The following MAGI1 variants were observed in gnomAD, a reference collection of about 807,000 sequenced individuals.
MAGI1 encodes the protein membrane associated guanylate kinase, WW and PDZ domain containing 1, also known as membrane-associated guanylate kinase, WW and PDZ domain-containing protein 1.
Under a neutral mutation model 139.9 loss-of-function variants are expected in MAGI1, and 58 were observed. The ratio of observed to expected loss-of-function variants is 0.41; its 90% CI spans 0.34 to 0.52. The LOEUF (loss-of-function observed/expected upper bound fraction) is 0.52, where lower values mean the gene tolerates loss of function less well. Ranked by LOEUF, MAGI1 falls within the 20% of genes least tolerant of loss-of-function variation. The pLI, the probability that MAGI1 is intolerant of heterozygous loss-of-function variation, is 0.12. For missense variants in MAGI1, 1,874 were observed against 1,901.6 expected, an observed-to-expected ratio of 0.99 and a Z score of 0.27; for synonymous variants, 812 against 737.9, an observed-to-expected ratio of 1.10 and a Z score of -1.63.
intron 2 of MAGI1, among the ~76,000 whole-genome samples, chr3:65,524,234 C>A (rs141527273): frequency 6.6e-6 from 1 of 152,222 alleles, no homozygotes; most frequent in Admixed American, 6.5e-5. Context: ...GCAATACTAC[C>A]CAGTGGAAAA....
intron 1 of MAGI1, among the ~76,000 whole-genome samples, chr3:65,780,162 T>C (rs78311152): frequency 0.035 from 5,335 of 152,158 alleles, 106 homozygotes; most frequent in Middle Eastern, 0.044. Flanking sequence ...AGCTGTGGAC[T>C]ACAAGTATGC....
At chr3:65,936,394 T>C (rs1424387995) in intron 1 of MAGI1, among the ~76,000 whole-genome samples, 1 of 151,968 alleles carries the variant, frequency 6.6e-6, no homozygotes, top group Non-Finnish European at 1.5e-5. Context: ...TCCCAGCACT[T>C]TGGGAGGCTG....
At chr3:65,890,284 C>T (rs981548064) in intron 1 of MAGI1, among the ~76,000 whole-genome samples, 2 of 152,044 alleles carry the variant, frequency 1.3e-5, no homozygotes, top group Non-Finnish European at 2.9e-5. Flanking sequence ...AGAATGGCGT[C>T]AACCCAGGAG....
chr3:65,713,287 G>A (rs745590094), intron 1 of MAGI1, among the ~76,000 whole-genome samples: 112 of 152,154 alleles, frequency 7.4e-4, no homozygotes, highest in Non-Finnish European at 5.9e-4. Flanking sequence ...AAACTAGCCC[G>A]GGAAGAAACT....
chr3:65,371,452 A>C (rs1941983175), intron 18 of MAGI1, among the ~76,000 whole-genome samples: 1 of 152,238 alleles, frequency 6.6e-6, no homozygotes, highest in East Asian at 1.9e-4. Flanking sequence ...CTGAGCCTTC[A>C]GTGAGTTGTA....
At chr3:65,787,337 G>A (rs1174613680) in intron 1 of MAGI1, among the ~76,000 whole-genome samples, 2 of 151,856 alleles carry the variant, frequency 1.3e-5, no homozygotes, top group Admixed American at 1.3e-4. Context: ...TAGTATAAAA[G>A]AAACCGGATC....
intron 1 of MAGI1, among the ~76,000 whole-genome samples, chr3:65,973,103 T>A (rs2065086299): frequency 1.3e-5 from 2 of 151,912 alleles, no homozygotes; most frequent in South Asian, 4.2e-4. Context: ...TGAGCTATGA[T>A]CATGCCACTA....
intron 1 of MAGI1, among the ~76,000 whole-genome samples, chr3:65,788,902 G>A (rs1345045828): frequency 2.6e-5 from 4 of 152,132 alleles, no homozygotes; most frequent in Non-Finnish European, 2.9e-5. Context: ...ATGAGGCCAG[G>A]TATGGTGACT....
At chr3:65,701,926 C>T (rs983841807) in intron 1 of MAGI1, among the ~76,000 whole-genome samples, 7 of 152,282 alleles carry the variant, frequency 4.6e-5, no homozygotes, top group Non-Finnish European at 1.0e-4. Flanking sequence ...TTTAGCTTAT[C>T]AAGCGCTATG....
chr3:65,506,079 G>T (rs1160571483), intron 2 of MAGI1, among the ~76,000 whole-genome samples: 7 of 152,078 alleles, frequency 4.6e-5, no homozygotes, highest in African/African-American at 1.7e-4. Flanking sequence ...GGGATCTAAA[G>T]CTCTTTCAGA....
At chr3:65,758,166 T>C (rs1469908938) in intron 1 of MAGI1, among the ~76,000 whole-genome samples, 5 of 152,174 alleles carry the variant, frequency 3.3e-5, no homozygotes, top group Non-Finnish European at 1.5e-5. Flanking sequence ...GTTGGTTCTT[T>C]TCAGAGAGGT....
At chr3:65,790,764 G>C (rs2039707766) in intron 1 of MAGI1, among the ~76,000 whole-genome samples, 1 of 152,172 alleles carries the variant, frequency 6.6e-6, no homozygotes, top group Non-Finnish European at 1.5e-5. Context: ...TTCTATAGTT[G>C]TACAAGGCTG....
At chr3:65,710,746 C>T (rs1183019287) in intron 1 of MAGI1, among the ~76,000 whole-genome samples, 1 of 152,204 alleles carries the variant, frequency 6.6e-6, no homozygotes, top group African/African-American at 2.4e-5. Flanking sequence ...GGTCACACAA[C>T]AAATCAAGGT....
At chr3:65,547,280 T>A (rs2079549907) in intron 2 of MAGI1, among the ~76,000 whole-genome samples, 1 of 152,170 alleles carries the variant, frequency 6.6e-6, no homozygotes, top group Non-Finnish European at 1.5e-5. Flanking sequence ...CCCTAAGCGA[T>A]AGAGCTGAAT....
At chr3:65,639,492 G>A (rs932317385) in intron 1 of MAGI1, among the ~76,000 whole-genome samples, 1 of 152,122 alleles carries the variant, frequency 6.6e-6, no homozygotes, top group African/African-American at 2.4e-5. Flanking sequence ...TCATCTGGGA[G>A]GGTTGATTTT....
intron 1 of MAGI1, among the ~76,000 whole-genome samples, chr3:65,802,382 T>G (rs768386934): frequency 2.0e-5 from 3 of 152,122 alleles, no homozygotes; most frequent in Non-Finnish European, 4.4e-5. Flanking sequence ...AACTCTCCAT[T>G]CCTCCTTGGG....
chr3:65,675,859 T>C (rs529111988), intron 1 of MAGI1, among the ~76,000 whole-genome samples: 6 of 152,250 alleles, frequency 3.9e-5, no homozygotes, highest in East Asian at 1.9e-4. Flanking sequence ...AAAAAAACAA[T>C]TGGGCTGAGC....
intron 1 of MAGI1, among the ~76,000 whole-genome samples, chr3:65,972,587 A>C (rs2065062537): frequency 6.6e-6 from 1 of 152,202 alleles, no homozygotes; most frequent in South Asian, 2.1e-4. Context: ...GTTTCTATTC[A>C]GTCCAAAATA....
At chr3:65,654,745 T>A (rs1258260442) in intron 1 of MAGI1, among the ~76,000 whole-genome samples, 1 of 152,170 alleles carries the variant, frequency 6.6e-6, no homozygotes, top group African/African-American at 2.4e-5. Flanking sequence ...AGCTGCAGTA[T>A]GGGTCTTGGT....
Sources: allele counts gnomAD v4.1 joint callset (sites outside exome capture counted in the v4.1 genomes callset), GRCh38; gene constraint gnomAD v4.1.1; transcripts MANE v1.5; gene names NCBI Gene and HGNC (gene_info 2026-07-23, HGNC 2026-07-21).